CAMK1D: variants seen among roughly 807,000 people sequenced by gnomAD.
CAMK1D encodes the protein calcium/calmodulin-dependent protein kinase type 1D.
A neutral mutation model predicts 47.7 loss-of-function variants in CAMK1D; 9 were observed. That is an observed-to-expected ratio of 0.19 (90% CI 0.11 to 0.33). CAMK1D has a LOEUF of 0.33. Ranked by LOEUF, CAMK1D falls within the 10% of genes least tolerant of loss-of-function variation. The pLI is 1.00. For missense variants in CAMK1D, 291 were observed against 488.7 expected (o/e 0.60, Z 3.81); for synonymous variants, 184 against 184.9 (o/e 0.99, Z 0.04).
intron 1 of CAMK1D, among the ~76,000 whole-genome samples, chr10:12,540,493 A>T (rs1159481198): frequency 6.6e-6 from 1 of 152,202 alleles, no homozygotes; most frequent in Non-Finnish European, 1.5e-5. Context: ...TGGATCAGTG[A>T]GGCTGTTAAC....
rs1445036765 is a variant in CAMK1D at position 12,671,200 on chromosome 10, CA to C, written c.299+4391del. 1.2e-4 allele frequency among the ~76,000 whole-genome samples: 18 copies of C among 152,212 alleles called. No individual in the cohort carries two copies. The East Asian group carries it at 2.9e-3, about 24-fold the overall frequency. ...TATCACATTTTGTTTCTCTGTTTTT[CA>C]GTTGATGGACATTTAGGTTGTCTCA... On this transcript the variant is annotated intron_variant, in intron 3 of 10. Transcript: ENST00000619168.
At chr10:12,373,434 C>A (rs911425838) in intron 1 of CAMK1D, among the ~76,000 whole-genome samples, 3 of 151,978 alleles carry the variant, frequency 2.0e-5, no homozygotes, top group African/African-American at 7.2e-5. Flanking sequence ...GAGTTTGAGA[C>A]CAGCCTGGCC....
At chr10:12,514,742 A>G (rs956998788) in intron 1 of CAMK1D, among the ~76,000 whole-genome samples, 2 of 152,254 alleles carry the variant, frequency 1.3e-5, no homozygotes, top group Non-Finnish European at 2.9e-5. Flanking sequence ...AAATGATATT[A>G]TTCGCTTTCC....
intron 2 of CAMK1D, among the ~76,000 whole-genome samples, chr10:12,652,781 A>G (rs1840014974): frequency 6.6e-6 from 1 of 152,214 alleles, no homozygotes; most frequent in Admixed American, 6.5e-5. Context: ...CCACCTTAGC[A>G]TTTAACAATG....
intron 1 of CAMK1D, among the ~76,000 whole-genome samples, chr10:12,421,863 C>T (rs1190295705): frequency 1.3e-5 from 2 of 150,560 alleles, no homozygotes; most frequent in Non-Finnish European, 3.0e-5. Flanking sequence ...GTCACCCAGG[C>T]TGGAGTGCAA....
At chr10:12,437,571 C>A (rs1474612437) in intron 1 of CAMK1D, among the ~76,000 whole-genome samples, 2 of 152,172 alleles carry the variant, frequency 1.3e-5, no homozygotes, top group Admixed American at 1.3e-4. Flanking sequence ...TATATACTCG[C>A]TGCCCTACAC....
intron 5 of CAMK1D, among the ~76,000 whole-genome samples, chr10:12,790,179 C>A (rs996314242): frequency 6.6e-6 from 1 of 152,258 alleles, no homozygotes; most frequent in Non-Finnish European, 1.5e-5. Context: ...ATGAAGAGTG[C>A]TTTAGAACCA....
intron 2 of CAMK1D, among the ~76,000 whole-genome samples, chr10:12,554,959 G>T (rs866756355): frequency 2.0e-5 from 3 of 152,190 alleles, no homozygotes; most frequent in South Asian, 4.1e-4. Context: ...ATCTCCAAAG[G>T]TTTGGGGGAA....
intron 3 of CAMK1D, among the ~76,000 whole-genome samples, chr10:12,739,378 C>G (rs1835326348): frequency 6.6e-6 from 1 of 151,506 alleles, no homozygotes; most frequent in African/African-American, 2.4e-5. Context: ...CGGGTTTAAG[C>G]AGTTTTCCTG....
rs186765130 is a variant in CAMK1D, at chr10:12,641,350, G to A, written c.225-25386G>A. ...AAATAATAGAAATGTGGCTGGGCACGGTGGCTCATGCCTGTAATCCCAGCA... is the reference window on the plus strand; with the variant it reads ...AAATAATAGAAATGTGGCTGGGCACAGTGGCTCATGCCTGTAATCCCAGCA... On this transcript the variant is annotated intron_variant, in intron 2 of 10. Transcript: ENST00000619168. Among the ~76,000 whole-genome samples, 21 of 152,280 alleles carry A rather than the reference G, an allele frequency of 1.4e-4. No homozygotes were observed. The East Asian group carries it at 2.3e-3, about 17-fold the overall frequency.
At chr10:12,720,759 T>G (rs922386131) in intron 3 of CAMK1D, among the ~76,000 whole-genome samples, 3 of 152,172 alleles carry the variant, frequency 2.0e-5, no homozygotes, top group Non-Finnish European at 4.4e-5. Flanking sequence ...TCAATAAGGA[T>G]TCAAGGGTTT....
intron 1 of CAMK1D, among the ~76,000 whole-genome samples, chr10:12,365,791 G>A (rs1439260035): frequency 1.3e-5 from 2 of 151,892 alleles, no homozygotes; most frequent in African/African-American, 2.4e-5. Flanking sequence ...GGTGGCTCAC[G>A]CCTGTAATCC....
At position 12,449,317 on chromosome 10, in the gene CAMK1D, G is replaced by T. The variant is rs1422389985; in HGVS notation, c.92+99407G>T. Among the ~76,000 whole-genome samples, 7 of 152,096 alleles carry T rather than the reference G, an allele frequency of 4.6e-5. No individual in the cohort carries two copies. The East Asian group carries it at 1.4e-3, about 29-fold the overall frequency. ...GCTGTGTGAAGGGCCCCGTCGTCTT[G>T]TGTAGCTGCTCCCGTGTTGAGAGTA... On this transcript the variant is annotated intron_variant, in intron 1 of 10. Transcript: ENST00000619168.
At chr10:12,388,588 G>GA (rs35823064) in intron 1 of CAMK1D, among the ~76,000 whole-genome samples, 1 of 152,216 alleles carries the variant, frequency 6.6e-6, no homozygotes, top group African/African-American at 2.4e-5. Flanking sequence ...AGAGGCACAA[G>GA]AAAACATACC....
At chr10:12,380,602 A>G (rs1167494061) in intron 1 of CAMK1D, among the ~76,000 whole-genome samples, 1 of 152,200 alleles carries the variant, frequency 6.6e-6, no homozygotes, top group Non-Finnish European at 1.5e-5. Context: ...TCATGCCTGT[A>G]ATCCCAGCAC....
At chr10:12,786,270 T>C (rs774901025) in intron 5 of CAMK1D, among the ~76,000 whole-genome samples, 10 of 152,348 alleles carry the variant, frequency 6.6e-5, no homozygotes, top group Non-Finnish European at 1.5e-4. Context: ...CCTCTGGCTT[T>C]GTTTCCAAGC....
At chr10:12,381,332 A>C (rs1193194980) in intron 1 of CAMK1D, among the ~76,000 whole-genome samples, 1 of 148,614 alleles carries the variant, frequency 6.7e-6, no homozygotes, top group Non-Finnish European at 1.5e-5. Flanking sequence ...CTAGAAAATC[A>C]TAATGCTTTC....
rs76068957 is a variant in CAMK1D, at chr10:12,803,429, C to T, written c.642-10766C>T. 3.8e-3 allele frequency among the ~76,000 whole-genome samples: 574 copies of T among 152,288 alleles called. 15 individuals are homozygous for T. The East Asian group carries it at 0.06, about 16-fold the overall frequency. ...GGTGGGTGTGGCTCACACCTGTAAT[C>T]CCAGCACTTTGGGAGGCTGAGGCGG... On this transcript the variant is annotated intron_variant, in intron 6 of 10. Transcript: ENST00000619168.
Position 12,656,510 on chromosome 10 carries a change from A to G in CAMK1D, c.225-10226A>G, listed in dbSNP as rs45608435. On this transcript the variant is annotated intron_variant, in intron 2 of 10. Transcript: ENST00000619168. ...CCCTGTTTCAAAAAAAAGAGAAAAGAAAAAAACCGCCATTTGTGCACAAGG... is the reference window on the plus strand; with the variant it reads ...CCCTGTTTCAAAAAAAAGAGAAAAGGAAAAAACCGCCATTTGTGCACAAGG... Among the ~76,000 whole-genome samples the G allele has an allele frequency of 2.1e-3, 317 of 152,258 alleles. 1 individual carries two copies. The highest frequency in any genetic ancestry group is 4.4e-3 in the Admixed American group (68 of 15,290).
Sources: gnomAD v4.1 joint callset for allele counts (sites outside exome capture counted in the v4.1 genomes callset) on GRCh38, gnomAD v4.1.1 for gene constraint, MANE v1.5 for transcripts, NCBI Gene and HGNC (gene_info 2026-07-23, HGNC 2026-07-21) for gene names.